The following ATAD2 variants were observed in gnomAD, a reference collection of about 807,000 sequenced individuals.
ATAD2 encodes ATPase family AAA domain containing 2, also known as ATPase family AAA domain-containing protein 2.
Under a neutral mutation model 168.9 loss-of-function variants are expected in ATAD2, and 62 were observed. The ratio of observed to expected loss-of-function variants is 0.37; its 90% CI spans 0.30 to 0.45. ATAD2 has a LOEUF of 0.45. Among genes scored for constraint, ATAD2 ranks in the 20% least tolerant of loss-of-function variants. The pLI, the probability that ATAD2 is intolerant of heterozygous loss-of-function variation, is 1.00. For missense variants in ATAD2, 1,419 were observed against 1,667.8 expected (o/e 0.85, Z 2.60); for synonymous variants, 613 against 571.6 (o/e 1.07, Z -1.03).
At chr8:123,396,496 C>T (rs977268754), upstream of ATAD2, 2 of 846,912 alleles carry the variant, frequency 2.4e-6, no homozygotes, top group Admixed American at 3.0e-5. Flanking sequence ...GCCCAGAATC[C>T]CTCCGCCGTC....
upstream of ATAD2, chr8:123,401,367 G>C: frequency 7.1e-7 from 1 of 1,405,766 alleles, no homozygotes; most frequent in Non-Finnish European, 1.0e-6. Context: ...TGCTCACCCA[G>C]GCGGGTGTCG....
chr8:123,401,065 G>T, upstream of ATAD2: 2 of 1,573,458 alleles, frequency 1.3e-6, no homozygotes, highest in Non-Finnish European at 1.7e-6. Context: ...CCGAGACATC[G>T]ACTTTCTTGC....
At chr8:123,377,091 C>CAAGAAAA (rs1829338612) in intron 2 of ATAD2, among the ~76,000 whole-genome samples, 1 of 27,258 alleles carries the variant, frequency 3.7e-5, no homozygotes. Context: ...GACTCCGTCT[C>CAAGAAAA]AAAAAAAAAA....
At chr8:123,331,518 G>C (rs1334809093) in intron 24 of ATAD2, among the ~76,000 whole-genome samples, 1 of 152,208 alleles carries the variant, frequency 6.6e-6, no homozygotes, top group Non-Finnish European at 1.5e-5. Flanking sequence ...GGGTTTACAG[G>C]CGTGAGCCAC....
upstream of ATAD2, among the ~76,000 whole-genome samples, chr8:123,398,506 C>T (rs1812957301): frequency 1.3e-5 from 2 of 151,864 alleles, no homozygotes; most frequent in African/African-American, 2.4e-5. Flanking sequence ...TCTAGGATTA[C>T]AGGCGTGAGC....
chr8:123,333,820 TGGC>T lies in ATAD2; in HGVS notation c.3478+55_3478+57del, dbSNP rs1827843175. On this transcript the variant is annotated intron_variant, in intron 24 of 27. Transcript: ENST00000287394. ...AAAGGAAAATAAGGGAGAAAGTTAA[TGGC>T]ATTAGAAAAGAATAAAGTTATAATT... The T allele has an allele frequency of 8.1e-6, 12 of 1,490,346 alleles. No homozygotes were observed. The Admixed American group carries it at 1.5e-4, about 19-fold the overall frequency. The allele number at this position is 1,490,346 out of a possible 1,614,324, so 92.3% of individuals were successfully genotyped here. A position where few individuals can be genotyped will look rare whatever the true frequency, so the allele number is the denominator to read the frequency against.
At chr8:123,355,681 G>A (rs538161871) in intron 13 of ATAD2, among the ~76,000 whole-genome samples, 1 of 152,224 alleles carries the variant, frequency 6.6e-6, no homozygotes, top group East Asian at 1.9e-4. Flanking sequence ...CATAAAATCT[G>A]AGGGAAAAAA....
chr8:123,366,362 A>T (rs1410570635), intron 8 of ATAD2, among the ~76,000 whole-genome samples: 1 of 152,224 alleles, frequency 6.6e-6, no homozygotes, highest in Non-Finnish European at 1.5e-5. Context: ...GAGATTCCCT[A>T]AAGAGTTAAA....
intron 26 of ATAD2, 33 bp downstream of exon 26, chr8:123,325,860 A>G: frequency 6.2e-7 from 1 of 1,608,060 alleles, no homozygotes; most frequent in Non-Finnish European, 8.5e-7. Context: ...AGTAATCTGC[A>G]GAGTAAAAGC....
At chr8:123,377,383 A>G (rs1350781566) in intron 2 of ATAD2, among the ~76,000 whole-genome samples, 3 of 152,176 alleles carry the variant, frequency 2.0e-5, no homozygotes, top group African/African-American at 7.2e-5. Flanking sequence ...CATTTATTTT[A>G]TTATACTCCC....
chr8:123,349,133 A>T, intron 14 of ATAD2, 152 bp downstream of exon 14: 1 of 672,898 alleles, frequency 1.5e-6, no homozygotes, highest in Non-Finnish European at 2.4e-6. Flanking sequence ...TAAAGAAAAG[A>T]ATAAAAATTT....
intron 25 of ATAD2, among the ~76,000 whole-genome samples, chr8:123,326,417 C>A (rs1290120330): frequency 6.6e-6 from 1 of 152,006 alleles, no homozygotes; most frequent in Non-Finnish European, 1.5e-5. Context: ...TGCCTGTAAT[C>A]CCAGCACTTT....
At chr8:123,326,157 T>A (rs1366852323) in intron 25 of ATAD2, 131 bp from the exon 26 acceptor site, 8 of 939,160 alleles carry the variant, frequency 8.5e-6, no homozygotes, top group Non-Finnish European at 1.1e-5. Flanking sequence ...GCTTATTAAC[T>A]CATTCTGTTA....
chr8:123,349,849 C>G (rs1196045686), intron 13 of ATAD2, among the ~76,000 whole-genome samples: 1 of 148,158 alleles, frequency 6.7e-6, no homozygotes, highest in African/African-American at 2.5e-5. Flanking sequence ...CCAGCCTGGG[C>G]AACATAGGGA....
chr8:123,333,368 C>T (rs1382943875), intron 24 of ATAD2, among the ~76,000 whole-genome samples: 15 of 141,260 alleles, frequency 1.1e-4, no homozygotes, highest in African/African-American at 4.0e-4. Flanking sequence ...CGAGATCGCA[C>T]CACTGCACTC....
intron 2 of ATAD2, among the ~76,000 whole-genome samples, chr8:123,373,323 A>G (rs1829205654): frequency 6.6e-6 from 1 of 152,086 alleles, no homozygotes; most frequent in Non-Finnish European, 1.5e-5. Context: ...TGCTAGGATT[A>G]TAGGTATGAG....
chr8:123,324,467 A>C (rs1279887252), intron 26 of ATAD2, among the ~76,000 whole-genome samples: 2 of 152,236 alleles, frequency 1.3e-5, no homozygotes, highest in Non-Finnish European at 2.9e-5. Context: ...TCTTATTTCA[A>C]ATATGTTAAG....
intron 1 of ATAD2, among the ~76,000 whole-genome samples, chr8:123,413,655 G>C (rs1380736973): frequency 2.6e-5 from 4 of 152,118 alleles, no homozygotes; most frequent in Non-Finnish European, 5.9e-5. Context: ...CCCTGGAAGA[G>C]CTCATGGCAG....
rs201609371 is a variant in ATAD2 at position 123,380,594 on chromosome 8, T to C, written c.255A>G (p.Ser85=). 1.2e-5 allele frequency: 20 copies of C among 1,614,038 alleles called. No homozygotes were observed. In the Admixed American group the frequency reaches 1.8e-4, roughly 15 times the overall value. ...RSLRKDAQNS[S]DSSFEKNVEI... ...CCACATTCTTCTCAAAACTAGAATC[T>C]GAAGAATTCTGTGCATCTTTTCTCA... Residue 85 remains serine, a synonymous_variant, in exon 2 of 28, where the codon TCA becomes TCG. Transcript: ENST00000287394.
Sources: gnomAD v4.1 joint callset for allele counts (sites outside exome capture counted in the v4.1 genomes callset) on GRCh38, gnomAD v4.1.1 for gene constraint, MANE v1.5 for transcripts, NCBI Gene and HGNC (gene_info 2026-07-23, HGNC 2026-07-21) for gene names.